AGBL1: variants seen among roughly 807,000 people sequenced by gnomAD.
AGBL1 encodes the protein cytosolic carboxypeptidase 4.
In AGBL1, 130 loss-of-function variants were observed where a neutral mutation model predicts 118.9. The observed-to-expected ratio is 1.09, with a 90% CI of 0.95 to 1.26. The LOEUF is 1.26. Ranked by LOEUF, AGBL1 falls within the 50% of genes most tolerant of loss-of-function variation. The probability of loss-of-function intolerance (pLI) is 0.00; values close to 1 mark genes in which losing one functional copy is unlikely to be tolerated. For synonymous variants in AGBL1, 555 were observed against 478.9 expected (o/e 1.16, Z -2.08); for missense variants, 1,584 against 1,298.1 (o/e 1.22, Z -3.38).
At chr15:86,094,023 A>G (rs529215224) in intron 1 of AGBL1, among the ~76,000 whole-genome samples, 6 of 152,282 alleles carry the variant, frequency 3.9e-5, no homozygotes, top group African/African-American at 1.4e-4. Context: ...CTTTGAAATT[A>G]TATCAAAAGT....
intron 22 of AGBL1, among the ~76,000 whole-genome samples, chr15:86,856,165 T>A (rs2079476621): frequency 6.6e-6 from 1 of 152,166 alleles, no homozygotes. Context: ...CCAGGCTATG[T>A]CTTTGTCCTC....
intron 20 of AGBL1, among the ~76,000 whole-genome samples, chr15:86,552,175 C>T (rs1033940208): frequency 1.6e-4 from 25 of 152,248 alleles, no homozygotes; most frequent in Middle Eastern, 6.8e-3. Context: ...TCAGCAGTTA[C>T]AACAAACCTA....
At chr15:86,686,442 G>GAT (rs1555438031) in intron 22 of AGBL1, among the ~76,000 whole-genome samples, 8 of 127,128 alleles carry the variant, frequency 6.3e-5, no homozygotes, top group Non-Finnish European at 8.1e-5. Context: ...CATATTCTAA[G>GAT]TTTTTTTTTT....
chr15:86,466,686 G>A lies in AGBL1; in HGVS notation c.2556-56124G>A, dbSNP rs148795990. On this transcript the variant is annotated intron_variant, in intron 18 of 22. Coordinates refer to ENST00000614907, the MANE Select transcript of AGBL1 (RefSeq NM_001386094.1). ...CTTCAGATGGAGTTTTTGTGTGGTC[G>A]TCCTTTTTGTTGATGTTGATTCTAT... Among the ~76,000 whole-genome samples, 56 of 152,286 alleles carry A rather than the reference G, an allele frequency of 3.7e-4. No individual in the cohort carries two copies. The East Asian group carries it at 7.3e-3, about 20-fold the overall frequency.
At chr15:86,433,510 C>T (rs933664810) in intron 18 of AGBL1, among the ~76,000 whole-genome samples, 5 of 152,088 alleles carry the variant, frequency 3.3e-5, no homozygotes, top group African/African-American at 1.2e-4. Context: ...ACCAGTTGCT[C>T]CCAAATCCTG....
intron 19 of AGBL1, among the ~76,000 whole-genome samples, chr15:86,535,954 T>G (rs928139374): frequency 6.6e-6 from 1 of 152,146 alleles, no homozygotes; most frequent in East Asian, 1.9e-4. Context: ...ATCTAGAATT[T>G]CCCTTTTTTT....
chr15:86,355,691 A>G (rs1018417582), intron 17 of AGBL1, among the ~76,000 whole-genome samples: 7 of 152,186 alleles, frequency 4.6e-5, no homozygotes, highest in African/African-American at 1.4e-4. Flanking sequence ...TAAGAATACA[A>G]CAGAATTGGT....
intron 22 of AGBL1, among the ~76,000 whole-genome samples, chr15:86,704,684 G>A (rs996014104): frequency 1.3e-5 from 2 of 152,122 alleles, no homozygotes; most frequent in Non-Finnish European, 2.9e-5. Context: ...ATTGTTGATG[G>A]GAGTGTAAAT....
intron 5 of AGBL1, among the ~76,000 whole-genome samples, chr15:86,192,020 G>A (rs1312888572): frequency 6.6e-6 from 1 of 151,516 alleles, no homozygotes; most frequent in African/African-American, 2.4e-5. Context: ...AGGGTCGCTT[G>A]AGCCCAAGAG....
chr15:86,900,187 C>G (rs758962362), intron 22 of AGBL1, among the ~76,000 whole-genome samples: 1 of 152,154 alleles, frequency 6.6e-6, no homozygotes, highest in Non-Finnish European at 1.5e-5. Flanking sequence ...GGGACTCAGA[C>G]TGGCTTTCTG....
At chr15:86,443,680 T>C (rs2082089807) in intron 18 of AGBL1, among the ~76,000 whole-genome samples, 1 of 152,184 alleles carries the variant, frequency 6.6e-6, no homozygotes, top group South Asian at 2.1e-4. Context: ...TTAGCTTCCA[T>C]GTATGAAAGA....
chr15:86,246,095 G>A (rs1206347496), intron 6 of AGBL1, among the ~76,000 whole-genome samples: 3 of 152,020 alleles, frequency 2.0e-5, no homozygotes, highest in Non-Finnish European at 2.9e-5. Flanking sequence ...TGTTACTCAG[G>A]CTTGTCTCCA....
chr15:86,326,328 T>G (rs2080182299), intron 17 of AGBL1, among the ~76,000 whole-genome samples: 1 of 152,220 alleles, frequency 6.6e-6, no homozygotes, highest in Admixed American at 6.5e-5. Context: ...GTCTCTCTCT[T>G]AGCCATCTGG....
rs529087571 is a variant in AGBL1 at position 86,375,668 on chromosome 15, C to G, written c.2375-21698C>G. On this transcript the variant is annotated intron_variant, in intron 17 of 22. Transcript: ENST00000614907. ...CAAAAAAGGTACTCGGCTGTGCTGACCACATGAGCAAGTACATGCAGGGAA... is the reference window on the plus strand; with the variant it reads ...CAAAAAAGGTACTCGGCTGTGCTGAGCACATGAGCAAGTACATGCAGGGAA... 2.6e-5 allele frequency among the ~76,000 whole-genome samples: 4 copies of G among 152,282 alleles called. No homozygotes were observed. The East Asian group carries it at 7.7e-4, about 29-fold the overall frequency.
At position 86,620,762 on chromosome 15, in the gene AGBL1, A is replaced by C. The variant is rs560587423; in HGVS notation, c.2995-53511A>C. ...AAAGGGACTTTGCAACCTGCCAGCT[A>C]TGTGATTTTTCCACCTCTGAAAGTG... On this transcript the variant is annotated intron_variant, in intron 21 of 22. Transcript: ENST00000614907. Among the ~76,000 whole-genome samples, 7 of 151,982 alleles carry C rather than the reference A, an allele frequency of 4.6e-5. 2 individuals are homozygous for C. Among genetic ancestry groups the C allele is most frequent in the African/African-American group, 1.7e-4 (7 of 41,446 alleles).
At chr15:86,478,846 C>A (rs1204572896) in intron 18 of AGBL1, among the ~76,000 whole-genome samples, 2 of 152,190 alleles carry the variant, frequency 1.3e-5, no homozygotes, top group African/African-American at 4.8e-5. Flanking sequence ...TACAAGGCTA[C>A]AGTAACCAAA....
intron 5 of AGBL1, among the ~76,000 whole-genome samples, chr15:86,221,335 G>T (rs1222822479): frequency 6.6e-6 from 1 of 152,220 alleles, no homozygotes; most frequent in Non-Finnish European, 1.5e-5. Context: ...TGGGCCCCCA[G>T]TTCACGCACT....
intron 24 of AGBL1, among the ~76,000 whole-genome samples, chr15:86,997,082 T>G (rs1455295194): frequency 6.6e-6 from 1 of 152,194 alleles, no homozygotes; most frequent in Non-Finnish European, 1.5e-5. Flanking sequence ...TCCTGTTGTT[T>G]TGATCTGTAT....
At chr15:86,263,917 CAG>C (rs1352335514) in intron 10 of AGBL1, among the ~76,000 whole-genome samples, 1 of 152,038 alleles carries the variant, frequency 6.6e-6, no homozygotes, top group Non-Finnish European at 1.5e-5. Context: ...TTCAAATAAA[CAG>C]AATTATTCTC....
Sources: allele counts gnomAD v4.1 joint callset (sites outside exome capture counted in the v4.1 genomes callset), GRCh38; gene constraint gnomAD v4.1.1; transcripts MANE v1.5; gene names NCBI Gene and HGNC (gene_info 2026-07-23, HGNC 2026-07-21).